PARD3B: variants seen among roughly 807,000 people sequenced by gnomAD.
The protein encoded by PARD3B is partitioning defective 3 homolog B.
PARD3B carries 103 observed loss-of-function variants against 130.2 expected under a neutral mutation model. That is an observed-to-expected ratio of 0.79 (90% confidence interval 0.67 to 0.93). The LOEUF (loss-of-function observed/expected upper bound fraction) is 0.93. Among genes scored for constraint, PARD3B ranks in the 40% least tolerant of loss-of-function variants. PARD3B has a pLI of 0.00. For missense variants in PARD3B, 1,609 were observed against 1,499.2 expected, an observed-to-expected ratio of 1.07 and a Z score of -1.21; for synonymous variants, 583 against 553.2, an observed-to-expected ratio of 1.05 and a Z score of -0.76.
intron 16 of PARD3B, among the ~76,000 whole-genome samples, chr2:205,259,327 A>G (rs1459472895): frequency 6.6e-6 from 1 of 152,030 alleles, no homozygotes; most frequent in African/African-American, 2.4e-5. Context: ...TAGAACATGT[A>G]TTTTCCTTGG....
intron 14 of PARD3B, among the ~76,000 whole-genome samples, chr2:205,192,842 C>G (rs11890486): frequency 0.12 from 17,966 of 152,216 alleles, 1,097 homozygotes; most frequent in South Asian, 0.12. Context: ...AATCCCTTAA[C>G]CTGCTTTTGG....
At chr2:205,443,555 A>C (rs1033613158) in intron 20 of PARD3B, among the ~76,000 whole-genome samples, 5 of 152,226 alleles carry the variant, frequency 3.3e-5, no homozygotes, top group Admixed American at 3.3e-4. Flanking sequence ...CTAGTCAGGA[A>C]AGTCCTCCAA....
chr2:205,219,012 G>A (rs185019959), intron 15 of PARD3B, among the ~76,000 whole-genome samples: 20 of 151,852 alleles, frequency 1.3e-4, no homozygotes, highest in African/African-American at 4.6e-4. Context: ...TCTGAGAGGC[G>A]GAAGTTACGG....
intron 1 of PARD3B, among the ~76,000 whole-genome samples, chr2:204,597,215 T>A (rs981433916): frequency 6.6e-6 from 1 of 152,004 alleles, no homozygotes; most frequent in African/African-American, 2.4e-5. Flanking sequence ...AAGTCATTTC[T>A]GCGAATGGAT....
At chr2:205,232,025 G>A (rs1220584159) in intron 15 of PARD3B, among the ~76,000 whole-genome samples, 1 of 152,226 alleles carries the variant, frequency 6.6e-6, no homozygotes, top group African/African-American at 2.4e-5. Context: ...TATGCAAGAG[G>A]CCATTGCCTC....
intron 15 of PARD3B, among the ~76,000 whole-genome samples, chr2:205,215,311 A>C (rs1185738759): frequency 6.6e-6 from 1 of 151,822 alleles, no homozygotes; most frequent in Non-Finnish European, 1.5e-5. Context: ...CATCCTGTAA[A>C]GTTACTTGAT....
intron 15 of PARD3B, 98 bp from the exon 16 acceptor site, chr2:205,245,680 A>G: frequency 1.1e-6 from 1 of 951,058 alleles, no homozygotes; most frequent in Non-Finnish European, 1.6e-6. Flanking sequence ...TGCCAGTAAA[A>G]GATTTAACTT....
rs189474748 is a variant in PARD3B, at chr2:204,654,368, C to T, written c.121-31813C>T. Among the ~76,000 whole-genome samples the T allele has an allele frequency of 1.7e-4, 25 of 151,334 alleles. 2 individuals are homozygous for T. The highest frequency in any genetic ancestry group is 5.9e-4 in the African/African-American group (24 of 40,654). On this transcript the variant is annotated intron_variant, in intron 1 of 22. Coordinates refer to ENST00000406610, the MANE Select transcript of PARD3B (RefSeq NM_001302769.2). ...AAACATGAGGATTTATTCCTAGTAT[C>T]ATGGGTGAATAGTTGCTTCTATTCC...
At chr2:205,361,732 T>C (rs1467885866) in intron 18 of PARD3B, among the ~76,000 whole-genome samples, 2 of 152,188 alleles carry the variant, frequency 1.3e-5, no homozygotes, top group African/African-American at 4.8e-5. Context: ...ATTTTGCTTT[T>C]CTCCGTGCAT....
At chr2:204,686,787 C>A (rs1310622802) in intron 2 of PARD3B, among the ~76,000 whole-genome samples, 3 of 152,112 alleles carry the variant, frequency 2.0e-5, no homozygotes, top group African/African-American at 4.8e-5. Context: ...ATTGAATACT[C>A]CAAAAAGTTT....
chr2:205,434,487 A>G (rs550087629), intron 19 of PARD3B, among the ~76,000 whole-genome samples: 1 of 152,312 alleles, frequency 6.6e-6, no homozygotes, highest in African/African-American at 2.4e-5. Context: ...AAATCATAAA[A>G]GTTTTTTAAT....
chr2:204,868,233 T>G (rs2045500232), intron 2 of PARD3B, among the ~76,000 whole-genome samples: 2 of 152,182 alleles, frequency 1.3e-5, no homozygotes, highest in South Asian at 4.1e-4. Context: ...TTGATGCCTG[T>G]TATTTGTTAT....
intron 2 of PARD3B, among the ~76,000 whole-genome samples, chr2:204,935,369 A>C: frequency 8.1e-6 from 1 of 123,590 alleles, no homozygotes; most frequent in South Asian, 2.4e-4. Flanking sequence ...CTCTACTAAA[A>C]ATACAAAAAA....
intron 22 of PARD3B, among the ~76,000 whole-genome samples, chr2:205,577,104 G>A (rs938475282): frequency 6.6e-6 from 1 of 152,180 alleles, no homozygotes; most frequent in African/African-American, 2.4e-5. Context: ...CATTACCAGT[G>A]TATACGAAAA....
chr2:204,733,479 CTTT>C (rs34103852), intron 2 of PARD3B, among the ~76,000 whole-genome samples: 2,162 of 127,200 alleles, frequency 0.017, 30 homozygotes, highest in East Asian at 0.047. Flanking sequence ...CCTTGACAGG[CTTT>C]TTTTTTTTTT....
chr2:205,300,556 A>G lies in PARD3B; in HGVS notation c.2212A>G (p.Thr738Ala). ...SESPSKDFGPTLGLKKSSSLE... is the reference protein window; with the variant it reads ...SESPSKDFGPALGLKKSSSLE... ...ATCTCCAAGCAAAGATTTTGGTCCA[A>G]CTCTGGGTTTGAAAAAGTCCAGCTC... Residue 738 changes from threonine (T) to alanine (A), a missense_variant, in exon 17 of 23, where the codon ACT becomes GCT. By Grantham distance (58) the Thr-to-Ala change is moderately conservative (BLOSUM62 0). Coordinates refer to ENST00000406610, the MANE Select transcript of PARD3B (RefSeq NM_001302769.2). This position sits in a 1 kb window ranked among gnomAD's most constrained non-coding sequence, Gnocchi z 4.1. The G allele has an allele frequency of 6.2e-7, 1 of 1,613,662 alleles. No individual in the cohort carries two copies. The highest frequency in any genetic ancestry group is 1.1e-5 in the South Asian group (1 of 91,048).
chr2:204,840,747 G>A (rs534457690), intron 2 of PARD3B, among the ~76,000 whole-genome samples: 4 of 152,100 alleles, frequency 2.6e-5, no homozygotes, highest in South Asian at 4.2e-4. Flanking sequence ...AACCACGGTC[G>A]CAAAGTAGGT....
Position 205,160,930 on chromosome 2 carries a change from A to G in PARD3B, c.1620+2023A>G, listed in dbSNP as rs1192986444. Among the ~76,000 whole-genome samples the G allele has an allele frequency of 6.6e-6, 1 of 152,126 alleles. No homozygotes were observed. Among genetic ancestry groups the G allele is most frequent in the Non-Finnish European group, 1.5e-5 (1 of 68,018 alleles). ...GAAATGAAGCTCTTCCATATGATCC[A>G]TTCATGTTCCTAGAGAGCAGGGCCT... On this transcript the variant is annotated intron_variant, in intron 11 of 22. Coordinates refer to ENST00000406610, the MANE Select transcript of PARD3B (RefSeq NM_001302769.2). This position sits in a 1 kb window ranked among gnomAD's most constrained non-coding sequence, Gnocchi z 4.0.
chr2:204,979,149 T>C (rs1453390636), intron 3 of PARD3B, among the ~76,000 whole-genome samples: 1 of 149,248 alleles, frequency 6.7e-6, no homozygotes, highest in African/African-American at 2.5e-5. Context: ...GAGCTTGCAG[T>C]GAGCCGAGAT....
Sources: allele counts gnomAD v4.1 joint callset (sites outside exome capture counted in the v4.1 genomes callset), GRCh38; gene constraint gnomAD v4.1.1; non-coding constraint Gnocchi (gnomAD v3.1); transcripts MANE v1.5; gene names NCBI Gene and HGNC (gene_info 2026-07-23, HGNC 2026-07-21).